ACTL8: variants seen among roughly 807,000 people sequenced by gnomAD.
ACTL8 encodes the protein actin like 8, also known as actin-like protein 8.
A neutral mutation model predicts 9.3 loss-of-function variants in ACTL8; 3 were observed. The observed-to-expected ratio is 0.32, with a 90% CI of 0.15 to 0.83. The LOEUF (loss-of-function observed/expected upper bound fraction) is 0.83, where lower values mean the gene tolerates loss of function less well. ACTL8 is among the 40% of genes least tolerant of loss of function. The probability of loss-of-function intolerance (pLI) is 0.57; values close to 1 mark genes in which losing one functional copy is unlikely to be tolerated. For synonymous variants in ACTL8, 224 were observed against 205.9 expected, an observed-to-expected ratio of 1.09 and a Z score of -0.75; for missense variants, 381 against 492.2, an observed-to-expected ratio of 0.77 and a Z score of 2.14.
At position 17,779,227 on chromosome 1, in the gene ACTL8, T is replaced by G. The variant is rs1454468929; in HGVS notation, c.-25+23723T>G. 2.6e-5 allele frequency among the ~76,000 whole-genome samples: 4 copies of G among 151,944 alleles called. No homozygotes were observed. In the East Asian group the frequency reaches 7.7e-4, roughly 29 times the overall value. On this transcript the variant is annotated intron_variant, in intron 1 of 2. Transcript: ENST00000375406. Reference sequence around the variant, plus strand: ...GACCCCTCTGCCTCCTGGACCCCTCTCCCTCCCACAACCCCTTCTCACCTC... The same window carrying G: ...GACCCCTCTGCCTCCTGGACCCCTCGCCCTCCCACAACCCCTTCTCACCTC...
intron 1 of ACTL8, among the ~76,000 whole-genome samples, chr1:17,804,808 G>T (rs1282024163): frequency 2.0e-5 from 3 of 152,054 alleles, no homozygotes; most frequent in South Asian, 2.1e-4. Flanking sequence ...TAGAAATGGG[G>T]TTTCACCATG....
chr1:17,788,916 C>T (rs2066218514), intron 1 of ACTL8, among the ~76,000 whole-genome samples: 1 of 152,206 alleles, frequency 6.6e-6, no homozygotes. Flanking sequence ...TGGCATGGCT[C>T]AGGTCATCTC....
At chr1:17,771,900 CCTTTT>C in intron 1 of ACTL8, among the ~76,000 whole-genome samples, 1 of 151,320 alleles carries the variant, frequency 6.6e-6, no homozygotes, top group Non-Finnish European at 1.5e-5. Context: ...CTTCCACGGT[CCTTTT>C]CTTAATTCGT....
chr1:17,766,318 G>A (rs2066043982), intron 1 of ACTL8, among the ~76,000 whole-genome samples: 3 of 152,184 alleles, frequency 2.0e-5, no homozygotes, highest in Admixed American at 2.0e-4. Context: ...GGCTGGGACT[G>A]GTACTTTGGC....
chr1:17,809,630 A>G (rs112948004), intron 1 of ACTL8, among the ~76,000 whole-genome samples: 3,494 of 152,140 alleles, frequency 0.023, 126 homozygotes, highest in African/African-American at 0.077. Context: ...TCATAGGAAC[A>G]TGAACCCTGT....
rs192749025 is a variant in ACTL8 at position 17,822,466 on chromosome 1, T to C, written c.-24-519T>C. On this transcript the variant is annotated intron_variant, in intron 1 of 2. Transcript: ENST00000375406. The stretch of plus-strand genomic sequence containing the variant: ...GAGAAAGAGTAGGTTCTCCAGAAAA[T>C]GGTCCCTGTAGCTGCTGCCATGCTC... 2.9e-3 allele frequency among the ~76,000 whole-genome samples: 437 copies of C among 152,236 alleles called. 1 individual carries two copies. The highest frequency in any genetic ancestry group is 5.0e-3 in the Non-Finnish European group (337 of 68,008).
At position 17,825,812 on chromosome 1, in the gene ACTL8, C is replaced by G; in HGVS notation, c.394C>G (p.Gln132Glu). The G allele has an allele frequency of 6.2e-7, 1 of 1,614,068 alleles. No individual in the cohort carries two copies. Among genetic ancestry groups the G allele is most frequent in the Non-Finnish European group, 8.5e-7 (1 of 1,180,022 alleles). The change falls in exon 3 of 3, where the codon CAG (glutamine) becomes GAG (glutamate). Residue 132 changes from glutamine (Q) to glutamate (E), a missense_variant. Around this residue, in one of 3 missense-constraint regions of ACTL8, gnomAD observed 125 missense variants for 180.7 expected, o/e 0.69. Transcript: ENST00000375406. Reference sequence around the variant, plus strand: ...TGTCCCATCGGTCCTCCTGGCCGACCAGCTGCAGATGTCCCTGTATGCCTC... The same window carrying G: ...TGTCCCATCGGTCCTCCTGGCCGACGAGCTGCAGATGTCCCTGTATGCCTC... ...LHVPSVLLADQLQMSLYASGL... is the reference protein window; with the variant it reads ...LHVPSVLLADELQMSLYASGL...
chr1:17,767,468 C>T lies in ACTL8; in HGVS notation c.-25+11964C>T, dbSNP rs537110825. On this transcript the variant is annotated intron_variant, in intron 1 of 2. Coordinates refer to ENST00000375406, the MANE Select transcript of ACTL8 (RefSeq NM_030812.3). This position sits in a 1 kb window ranked among gnomAD's most constrained non-coding sequence, Gnocchi z 4.7. The stretch of plus-strand genomic sequence containing the variant: ...TCTCTTCCCTTTCCTCCCGGACTGA[C>T]GTCTGCACATCCTTCTCTCCCGGCT... 6.6e-5 allele frequency among the ~76,000 whole-genome samples: 10 copies of T among 152,266 alleles called. No individual in the cohort carries two copies. The South Asian group carries it at 1.9e-3, about 28-fold the overall frequency.
At chr1:17,825,683 AGG>A in intron 2 of ACTL8, 82 bp from the exon 3 acceptor site, 1 of 1,514,862 alleles carries the variant, frequency 6.6e-7, no homozygotes, top group South Asian at 1.3e-5. Context: ...AGTCCCCCCG[AGG>A]ATGGGGCTCT....
At chr1:17,795,083 C>T (rs959289884) in intron 1 of ACTL8, among the ~76,000 whole-genome samples, 1 of 152,196 alleles carries the variant, frequency 6.6e-6, no homozygotes, top group African/African-American at 2.4e-5. Flanking sequence ...GGGTCCATTC[C>T]TGGGGTGGCA....
At chr1:17,795,805 G>A (rs983989163) in intron 1 of ACTL8, among the ~76,000 whole-genome samples, 3 of 152,178 alleles carry the variant, frequency 2.0e-5, no homozygotes, top group Non-Finnish European at 2.9e-5. Flanking sequence ...CCCCGAGTTC[G>A]AGGTGGTGAG....
chr1:17,768,149 A>G (rs928801754), intron 1 of ACTL8, among the ~76,000 whole-genome samples: 1 of 120,122 alleles, frequency 8.3e-6, no homozygotes, highest in Non-Finnish European at 1.6e-5. Context: ...AACCCAGCTA[A>G]CTCTGGTTGG....
intron 1 of ACTL8, among the ~76,000 whole-genome samples, chr1:17,807,127 A>C (rs1268942500): frequency 6.6e-6 from 1 of 152,176 alleles, no homozygotes; most frequent in Non-Finnish European, 1.5e-5. Flanking sequence ...GACCTTTGTG[A>C]TTACTGTGGG....
chr1:17,816,610 C>T (rs2066427792), intron 1 of ACTL8, among the ~76,000 whole-genome samples: 1 of 152,152 alleles, frequency 6.6e-6, no homozygotes, highest in African/African-American at 2.4e-5. Flanking sequence ...GTGTTTTAGC[C>T]TTCAGTCACC....
At chr1:17,822,672 A>G (rs990346888) in intron 1 of ACTL8, among the ~76,000 whole-genome samples, 6 of 151,966 alleles carry the variant, frequency 3.9e-5, no homozygotes, top group African/African-American at 1.5e-4. Context: ...CCCTTTGCAG[A>G]GTTGGATTGT....
chr1:17,825,252 T>C lies in ACTL8; in HGVS notation c.349-515T>C, dbSNP rs186020918. 1.4e-4 allele frequency among the ~76,000 whole-genome samples: 22 copies of C among 151,806 alleles called. No homozygotes were observed. In the East Asian group the frequency reaches 4.1e-3, roughly 28 times the overall value. On this transcript the variant is annotated intron_variant, in intron 2 of 2. Transcript: ENST00000375406. ...CAGGCAGTGAGCATCTTTTCCCTTTTTTTCTTTTTTCTTTTCTTTTCTTTT... is the reference window on the plus strand; with the variant it reads ...CAGGCAGTGAGCATCTTTTCCCTTTCTTTCTTTTTTCTTTTCTTTTCTTTT...
intron 1 of ACTL8, among the ~76,000 whole-genome samples, chr1:17,761,267 G>T: frequency 6.6e-6 from 1 of 151,498 alleles, no homozygotes; most frequent in East Asian, 2.0e-4. Flanking sequence ...CACTGTGCTT[G>T]GCCACTGTGG....
Position 17,823,577 on chromosome 1 carries a change from C to A in ACTL8, c.348+221C>A, listed in dbSNP as rs1379268441. Reference sequence around the variant, plus strand: ...GGGCAATATAGTGAGACCCCTGTCTCTATAAAAAATACAAAAATTAGCCAG... The same window carrying A: ...GGGCAATATAGTGAGACCCCTGTCTATATAAAAAATACAAAAATTAGCCAG... On this transcript the variant is annotated intron_variant, in intron 2 of 2. Transcript: ENST00000375406. The surrounding 1 kb of genome is among the most constrained non-coding windows in gnomAD (Gnocchi z 5.3). 6.6e-6 allele frequency among the ~76,000 whole-genome samples: 1 copy of A among 151,948 alleles called. No homozygotes were observed. The highest frequency in any genetic ancestry group is 2.4e-5 in the African/African-American group (1 of 41,328).
At chr1:17,825,671 A>G in intron 2 of ACTL8, 96 bp from the exon 3 acceptor site, 1 of 1,480,326 alleles carries the variant, frequency 6.8e-7, no homozygotes, top group Non-Finnish European at 9.0e-7. Context: ...GGGCAGCCCG[A>G]GAGTCCCCCC....
Sources: allele counts gnomAD v4.1 joint callset (sites outside exome capture counted in the v4.1 genomes callset), GRCh38; gene constraint gnomAD v4.1.1; regional missense constraint gnomAD v4.1.1; non-coding constraint Gnocchi (gnomAD v3.1); transcripts MANE v1.5; gene names NCBI Gene and HGNC (gene_info 2026-07-23, HGNC 2026-07-21).